PAX6: variants seen among roughly 807,000 people sequenced by gnomAD.
PAX6 encodes paired box 6.
A neutral mutation model predicts 60.7 loss-of-function variants in PAX6; 7 were observed. The ratio of observed to expected loss-of-function variants is 0.12; its 90% CI spans 0.07 to 0.22. PAX6 has a LOEUF of 0.22. Ranked by LOEUF, PAX6 falls within the 10% of genes least tolerant of loss-of-function variation. PAX6 has a pLI of 1.00. For synonymous variants in PAX6, 208 were observed against 201.2 expected (o/e 1.03, Z -0.29); for missense variants, 355 against 555.2 (o/e 0.64, Z 3.62).
At chr11:31,814,786 C>A (rs1408317146), upstream of PAX6, 1 of 152,626 alleles carries the variant, frequency 6.6e-6, no homozygotes, top group Non-Finnish European at 1.5e-5. Flanking sequence ...CCCGCTAACC[C>A]GGCAGCCTCG....
upstream of PAX6, among the ~76,000 whole-genome samples, chr11:31,813,588 C>G (rs184524413): frequency 9.2e-5 from 14 of 151,958 alleles, no homozygotes; most frequent in Non-Finnish European, 1.6e-4. Flanking sequence ...CATCTCGCTG[C>G]GGAGAAAAGT....
chr11:31,797,673 G>C (rs559005643), intron 8 of PAX6, among the ~76,000 whole-genome samples: 9 of 152,180 alleles, frequency 5.9e-5, no homozygotes, highest in African/African-American at 2.2e-4. Context: ...TGACCTAGCG[G>C]CTGCTCTTAC....
chr11:31,790,260 G>A (rs1000878472), intron 13 of PAX6: 2 of 484,350 alleles, frequency 4.1e-6, no homozygotes, highest in Non-Finnish European at 6.9e-6. Context: ...CAAAGGAAAA[G>A]AAAAAAAAAA....
intron 13 of PAX6, 154 bp downstream of exon 13, chr11:31,790,551 ATTAGC>A: frequency 1.0e-6 from 1 of 955,026 alleles, no homozygotes; most frequent in Non-Finnish European, 1.2e-6. Flanking sequence ...AAAGTTACTA[ATTAGC>A]TTAACTGAAT....
At chr11:31,807,104 T>A (rs1022524176) in intron 2 of PAX6, among the ~76,000 whole-genome samples, 179 bp from the exon 3 acceptor site, 3 of 152,158 alleles carry the variant, frequency 2.0e-5, no homozygotes, top group Admixed American at 2.0e-4. Flanking sequence ...GCCACAGAAG[T>A]CTCCATCCTT....
Position 31,793,427 on chromosome 11 carries a change from G to A in PAX6, c.1074+11C>T, listed in dbSNP as rs1310496343. 4 of 1,611,162 alleles carry A rather than the reference G, an allele frequency of 2.5e-6. No individual in the cohort carries two copies. Among genetic ancestry groups the A allele is most frequent in the African/African-American group, 1.3e-5 (1 of 74,866 alleles). ...GCCTGGGTTATGCAGGCCACCACCA[G>A]CCGCACTTACTTGCATAGGCAGGTT... On this transcript the variant is annotated intron_variant, in intron 12 of 13. Transcript: ENST00000640368.
At chr11:31,812,092 C>T (rs1200400186), upstream of PAX6, 1 of 152,332 alleles carries the variant, frequency 6.6e-6, no homozygotes, top group Non-Finnish European at 1.5e-5. Context: ...ACGCCACTTA[C>T]TTTGTGTACA....
chr11:31,800,560 G>A lies in PAX6; in HGVS notation c.565+131C>T. ...ATACAATGTGGTCGATGTGTCCCAG[G>A]CCTTCAAATGCAGTCTCACCCATGA... On this transcript the variant is annotated intron_variant, in intron 8 of 13. Transcript: ENST00000640368. The A allele has an allele frequency of 9.2e-6, 10 of 1,090,640 alleles. No homozygotes were observed. In the South Asian group the frequency reaches 1.1e-4, roughly 12 times the overall value. 67.6% of individuals were successfully genotyped at this position (1,090,640 alleles called of 1,614,324 possible). A position where few individuals can be genotyped will look rare whatever the true frequency, so the allele number is the denominator to read the frequency against.
At chr11:31,800,944 A>T in intron 7 of PAX6, 88 bp from the exon 8 acceptor site, 1 of 1,395,558 alleles carries the variant, frequency 7.2e-7, no homozygotes, top group Middle Eastern at 1.8e-4. Flanking sequence ...CTTAAAAAGC[A>T]ACTCTCAACC....
At chr11:31,813,917 C>G (rs550903292), upstream of PAX6, among the ~76,000 whole-genome samples, 26 of 152,184 alleles carry the variant, frequency 1.7e-4, no homozygotes, top group African/African-American at 6.3e-4. Flanking sequence ...GCTCTGGGGG[C>G]GAAGCGGCCT....
chr11:31,801,144 C>T, intron 7 of PAX6: 1 of 1,056,380 alleles, frequency 9.5e-7, no homozygotes, highest in Non-Finnish European at 1.3e-6. Context: ...TAAAAGACTG[C>T]CCGAAAATAA....
chr11:31,802,531 T>G, intron 5 of PAX6, 173 bp downstream of exon 5: 3 of 580,544 alleles, frequency 5.2e-6, no homozygotes, highest in Non-Finnish European at 5.8e-6. Context: ...GGAAGGATGG[T>G]GGAAGGAGAG....
At chr11:31,791,257 C>G (rs1352087538) in intron 12 of PAX6, 1 of 352,142 alleles carries the variant, frequency 2.8e-6, no homozygotes, top group African/African-American at 2.1e-5. Flanking sequence ...CTATGACCCC[C>G]AGAGCCCATA....
In PAX6 at chr11:31,800,383, A is replaced by G. The variant is rs145370261; in HGVS notation, c.565+308T>C. The stretch of plus-strand genomic sequence containing the variant: ...GGGCTCTCCCTGCATTCTAATGTCA[A>G]ATTTGAATAGTGCACCACGCAGCTC... On this transcript the variant is annotated intron_variant, in intron 8 of 13. Coordinates refer to ENST00000640368, the MANE Select transcript of PAX6 (RefSeq NM_001368894.2). Among the ~76,000 whole-genome samples, 4 of 152,238 alleles carry G rather than the reference A, an allele frequency of 2.6e-5. No homozygotes were observed. In the East Asian group the frequency reaches 5.8e-4, roughly 22 times the overall value.
Position 31,802,834 on chromosome 11 carries a change from C to T in PAX6, c.11G>A (p.Ser4Asn), listed in dbSNP as rs2135155149. The T allele has an allele frequency of 1.9e-6, 3 of 1,613,052 alleles. No individual in the cohort carries two copies. The highest frequency in any genetic ancestry group is 2.5e-6 in the Non-Finnish European group (3 of 1,179,842). The part of the protein sequence containing the change: MQN[S>N]HSGVNQLGGV... ...ACCGAGCTGATTCACTCCGCTGTGA[C>T]CTGAGGAAAGGGAGAGGAGAGGAAA... Residue 4 changes from serine (S) to asparagine (N), a missense_variant and splice_region_variant, in exon 5 of 14, where the codon AGT becomes AAT. Around this residue, in one of 5 missense-constraint regions of PAX6, gnomAD observed 41 missense variants for 77.1 expected, o/e 0.53. Transcript: ENST00000640368.
At chr11:31,802,007 A>G (rs1348404702) in intron 5 of PAX6, 95 bp from the exon 6 acceptor site, 2 of 976,380 alleles carry the variant, frequency 2.0e-6, no homozygotes, top group African/African-American at 1.6e-5. Context: ...AACTACAAAT[A>G]TGATGATACT....
chr11:31,796,074 C>T (rs1187653963), intron 8 of PAX6, among the ~76,000 whole-genome samples: 1 of 152,220 alleles, frequency 6.6e-6, no homozygotes, highest in Non-Finnish European at 1.5e-5. Context: ...TTTTCAGGAA[C>T]TTTGAAATGT....
chr11:31,793,238 A>G (rs1346834122), intron 12 of PAX6, 200 bp downstream of exon 12: 1 of 696,026 alleles, frequency 1.4e-6, no homozygotes, highest in Non-Finnish European at 2.6e-6. Flanking sequence ...TTTATTACTC[A>G]TTTTTTTAGG....
In PAX6 at chr11:31,789,522, A is replaced by G; in HGVS notation, c.*412T>C. ...ACAGATGGGTAGAAGTATTCGATATATCTTGATAAAACTCTTAAATTCGTG... is the reference window on the plus strand; with the variant it reads ...ACAGATGGGTAGAAGTATTCGATATGTCTTGATAAAACTCTTAAATTCGTG... On this transcript the variant is annotated 3_prime_UTR_variant, in exon 14 of 14. Transcript: ENST00000640368. The G allele has an allele frequency of 1.7e-6, 1 of 597,118 alleles. No individual in the cohort carries two copies. The highest frequency in any genetic ancestry group is 2.1e-5 in the South Asian group (1 of 46,694). 37.0% of individuals were successfully genotyped at this position (597,118 alleles called of 1,614,324 possible).
Sources: allele counts gnomAD v4.1 joint callset (sites outside exome capture counted in the v4.1 genomes callset), GRCh38; gene constraint gnomAD v4.1.1; regional missense constraint gnomAD v4.1.1; transcripts MANE v1.5; gene names NCBI Gene and HGNC (gene_info 2026-07-23, HGNC 2026-07-21).